Variants in CIITA observed in about 807,000 individuals in gnomAD.
CIITA encodes the protein MHC class II transactivator.
In CIITA, 72 loss-of-function variants were observed where a neutral mutation model predicts 115.1. The ratio of observed to expected loss-of-function variants is 0.63; its 90% confidence interval spans 0.52 to 0.76. CIITA has a LOEUF of 0.76. Among genes scored for constraint, CIITA ranks in the 30% least tolerant of loss-of-function variants. The probability of loss-of-function intolerance (pLI) is 0.00; values close to 1 mark genes in which losing one functional copy is unlikely to be tolerated. For missense variants in CIITA, 1,617 were observed against 1,463.8 expected, an observed-to-expected ratio of 1.10 and a Z score of -1.71; for synonymous variants, 763 against 635.6, an observed-to-expected ratio of 1.20 and a Z score of -3.02.
intron 18 of CIITA, 21 bp downstream of exon 18, chr16:10,922,511 T>A: frequency 6.2e-7 from 1 of 1,612,978 alleles, no homozygotes; most frequent in Non-Finnish European, 8.5e-7. Context: ...GCAACCCTGG[T>A]GGGTGGAGAA....
chr16:10,906,660 C>G lies in CIITA; in HGVS notation c.1168C>G (p.Arg390Gly), dbSNP rs182369772. ...ACTGGCCACCCCGGACTGGGCAGAA[C>G]GGCAGCTGGCCCAAGGAGGCCTGGC... ...RELATPDWAE[R>G]QLAQGGLAEV... The change falls in exon 11 of 20, where the codon CGG (arginine) becomes GGG (glycine). Residue 390 changes from arginine to glycine, a missense_variant. Transcript: ENST00000324288. The G allele has an allele frequency of 6.2e-7, 1 of 1,613,408 alleles. No homozygotes were observed. The highest frequency in any genetic ancestry group is 1.3e-5 in the African/African-American group (1 of 74,926).
At position 10,901,449 on chromosome 16, in the gene CIITA, C is replaced by G. The variant is rs534049594; in HGVS notation, c.437-65C>G. On this transcript the variant is annotated intron_variant, in intron 5 of 19. Transcript: ENST00000324288. The surrounding 1 kb of genome is among the most constrained non-coding windows in gnomAD (Gnocchi z 6.8). ...TTAAGGCCGTATAGCCTGCTAGAGTCCTGAGCCCCTTCTGGCTTGGGACAT... is the reference window on the plus strand; with the variant it reads ...TTAAGGCCGTATAGCCTGCTAGAGTGCTGAGCCCCTTCTGGCTTGGGACAT... 13 of 1,572,186 alleles carry G rather than the reference C, an allele frequency of 8.3e-6. No individual in the cohort carries two copies. The East Asian group carries it at 2.9e-4, about 35-fold the overall frequency.
At chr16:10,873,889 CTT>C (rs2035648291), upstream of CIITA, among the ~76,000 whole-genome samples, 1 of 152,164 alleles carries the variant, frequency 6.6e-6, no homozygotes. Context: ...AGAGAACTGA[CTT>C]TGTCCCAAGC....
chr16:10,886,353 T>C (rs2036951629), intron 1 of CIITA, among the ~76,000 whole-genome samples: 2 of 152,198 alleles, frequency 1.3e-5, no homozygotes, highest in Admixed American at 1.3e-4. Context: ...GTGCAGGGGT[T>C]ACTTTTCACC....
chr16:10,941,730 C>G lies in CIITA; in HGVS notation n.856C>G, dbSNP rs537643712. ...AGCAGTCGAGACCCTACTCCAAGTA[C>G]GCATCAAAGACGTCGAGCTCCGAGT... On this transcript the variant is annotated non_coding_transcript_exon_variant, in exon 2 of 2. Transcript: ENST00000573379. This position sits in a 1 kb window ranked among gnomAD's most constrained non-coding sequence, Gnocchi z 6.4. 5.4e-5 allele frequency: 87 copies of G among 1,609,306 alleles called. No individual in the cohort carries two copies. The Admixed American group carries it at 1.5e-3, about 27-fold the overall frequency.
chr16:10,889,519 TG>T (rs1269726530), intron 1 of CIITA, among the ~76,000 whole-genome samples: 2 of 151,316 alleles, frequency 1.3e-5, no homozygotes, highest in African/African-American at 2.5e-5. Flanking sequence ...TTTTGTTTTT[TG>T]TTTTTTGTTT....
At chr16:10,898,791 T>TG (rs555852173) in intron 4 of CIITA, 59 bp downstream of exon 4, 124 of 1,607,582 alleles carry the variant, frequency 7.7e-5, no homozygotes, top group African/African-American at 5.8e-4. Context: ...CCTTGTTCCC[T>TG]GGGGGGTGCC....
chr16:10,910,301 T>G lies in CIITA; in HGVS notation c.2888+42T>G, dbSNP rs532232647. The G allele has an allele frequency of 9.1e-6, 14 of 1,538,958 alleles. 1 individual carries two copies. In the South Asian group the frequency reaches 1.5e-4, roughly 16 times the overall value. The stretch of plus-strand genomic sequence containing the variant: ...ATTGTCTTGTGGGTCTGCGCAAGGT[T>G]TCCCCTGCAGCATTAGCTGGGCTTG... On this transcript the variant is annotated intron_variant, in intron 13 of 19. Coordinates refer to ENST00000324288, the MANE Select transcript of CIITA (RefSeq NM_000246.4).
chr16:10,922,057 C>T (rs542202555), intron 16 of CIITA, 110 bp from the exon 17 acceptor site: 2 of 958,400 alleles, frequency 2.1e-6, no homozygotes, highest in Admixed American at 1.7e-5. Flanking sequence ...TGATTCCTTC[C>T]CCCAGGGATA....
At position 10,907,927 on chromosome 16, in the gene CIITA, G is replaced by A; in HGVS notation, c.2435G>A (p.Cys812Tyr). ...CGGCAGCTGCTGGAGCTGCTGCACT[G>A]CGCCCACGAGGCCGAGGAGGCTGGA... ...RARQLLELLH[C>Y]AHEAEEAGIW... Residue 812 changes from cysteine (C) to tyrosine (Y), a missense_variant, in exon 11 of 20, where the codon TGC (cysteine) becomes TAC (tyrosine). By Grantham distance (194) the Cys-to-Tyr change is radical. Coordinates refer to ENST00000324288, the MANE Select transcript of CIITA (RefSeq NM_000246.4). The surrounding 1 kb of genome is among the most constrained non-coding windows in gnomAD (Gnocchi z 5.0). 6.4e-7 allele frequency: 1 copy of A among 1,565,824 alleles called. No homozygotes were observed. The highest frequency in any genetic ancestry group is 8.6e-7 in the Non-Finnish European group (1 of 1,157,530).
intron 5 of CIITA, among the ~76,000 whole-genome samples, chr16:10,900,964 A>C (rs756633796): frequency 2.6e-5 from 4 of 152,078 alleles, no homozygotes; most frequent in East Asian, 1.9e-4. Context: ...GCAGATTTAC[A>C]CTCCCCTCGT....
Position 10,907,794 on chromosome 16 carries a change from C to G in CIITA, c.2302C>G (p.Arg768Gly). 1.2e-6 allele frequency: 2 copies of G among 1,614,174 alleles called. No individual in the cohort carries two copies. Among genetic ancestry groups the G allele is most frequent in the Non-Finnish European group, 1.7e-6 (2 of 1,180,010 alleles). ...TGGGCTGATCTTCCAGCCTCCCGCC[C>G]GCTGCCTGGGAGCCCTACTCGGGCC... The part of the protein sequence containing the change: ...LAGLIFQPPA[R>G]CLGALLGPSA... Residue 768 changes from arginine (R) to glycine (G), a missense_variant, in exon 11 of 20, where the codon CGC becomes GGC. Arg to Gly is a moderately radical substitution (Grantham distance 125). Transcript: ENST00000324288. The surrounding 1 kb of genome is among the most constrained non-coding windows in gnomAD (Gnocchi z 5.0).
rs368964652 is a variant in CIITA, at chr16:10,904,824, G to A, written c.1006+12G>A. On this transcript the variant is annotated intron_variant, in intron 10 of 19. Coordinates refer to ENST00000324288, the MANE Select transcript of CIITA (RefSeq NM_000246.4). ...TCCAAAATGGCCTGGTGAGTGATGC[G>A]GGATCTCTCTGCCCTGGGTGGTGGA... 22 of 1,613,904 alleles carry A rather than the reference G, an allele frequency of 1.4e-5. No homozygotes were observed. In the East Asian group the frequency reaches 2.2e-4, roughly 16 times the overall value.
At chr16:10,915,480 A>C (rs2039888320) in intron 13 of CIITA, 90 bp from the exon 14 acceptor site, 1 of 1,016,188 alleles carries the variant, frequency 9.8e-7, no homozygotes, top group Admixed American at 1.7e-5. Flanking sequence ...ACAGGACCTG[A>C]CTTCTGTGCC....
At chr16:10,906,428 G>C (rs2039156028) in intron 10 of CIITA, 71 bp from the exon 11 acceptor site, 2 of 1,521,420 alleles carry the variant, frequency 1.3e-6, no homozygotes, top group Non-Finnish European at 1.8e-6. Context: ...TGGCAGTGCT[G>C]GCCTTGTGGT....
intron 10 of CIITA, 117 bp from the exon 11 acceptor site, chr16:10,906,382 C>CA (rs566932420): frequency 5.8e-4 from 743 of 1,273,918 alleles, no homozygotes; most frequent in Middle Eastern, 2.4e-3. Flanking sequence ...AACAAACAAA[C>CA]AAAAAAACTG....
intron 1 of CIITA, chr16:10,888,759 CT>C (rs1202497483): frequency 1.3e-5 from 2 of 152,374 alleles, no homozygotes; most frequent in East Asian, 3.9e-4. Context: ...CGCCTCTGCC[CT>C]GCCCCCACAT....
rs2040947456 is a variant in CIITA at position 10,934,611 on chromosome 16, G to A, written c.*10756G>A. 1 of 152,220 alleles carries A rather than the reference G, an allele frequency of 6.6e-6. No homozygotes were observed. The highest frequency in any genetic ancestry group is 2.1e-4 in the South Asian group (1 of 4,836). 9.4% of individuals were successfully genotyped at this position (152,220 alleles called of 1,614,324 possible). The stretch of plus-strand genomic sequence containing the variant: ...AGATGGGTATCTGAGATGAGTCATC[G>A]AACTTCTGCAAGCCTCAGTTTCCTC... On this transcript the variant is annotated 3_prime_UTR_variant, in exon 20 of 20. Coordinates refer to ENST00000324288, the MANE Select transcript of CIITA (RefSeq NM_000246.4). This position sits in a 1 kb window ranked among gnomAD's most constrained non-coding sequence, Gnocchi z 4.2.
At chr16:10,909,576 G>A (rs1395216262) in intron 12 of CIITA, among the ~76,000 whole-genome samples, 1 of 152,202 alleles carries the variant, frequency 6.6e-6, no homozygotes, top group Non-Finnish European at 1.5e-5. Flanking sequence ...CCAGAAGGCA[G>A]ACAAAACTTG....
Sources: gnomAD v4.1 joint callset for allele counts (sites outside exome capture counted in the v4.1 genomes callset) on GRCh38, gnomAD v4.1.1 for gene constraint, Gnocchi (gnomAD v3.1) non-coding constraint, MANE v1.5 for transcripts, NCBI Gene and HGNC (gene_info 2026-07-23, HGNC 2026-07-21) for gene names.